The following RBM15 variants were observed in gnomAD, a reference collection of about 807,000 sequenced individuals.
RBM15 encodes RNA-binding protein 15.
RBM15 carries 8 observed loss-of-function variants against 62.6 expected under a neutral mutation model. The ratio of observed to expected loss-of-function variants is 0.13; its 90% CI spans 0.07 to 0.23. RBM15 has a LOEUF of 0.23. Ranked by LOEUF, RBM15 falls within the 10% of genes least tolerant of loss-of-function variation. RBM15 has a pLI of 1.00. For synonymous variants in RBM15, 606 were observed against 505.7 expected (o/e 1.20, Z -2.66); for missense variants, 1,144 against 1,286.5 (o/e 0.89, Z 1.69).
chr1:110,342,285 A>G lies in RBM15; in HGVS notation c.2863+17A>G, dbSNP rs368503888. 4.6e-6 allele frequency: 7 copies of G among 1,534,316 alleles called. No homozygotes were observed. Among genetic ancestry groups the G allele is most frequent in the Middle Eastern group, 1.8e-4 (1 of 5,662 alleles). Reference sequence around the variant, plus strand: ...TTGTCCGTGGTGCGTCCTAAAGTCCATGTGTAACTTGTATTTACTACTTTG... The same window carrying G: ...TTGTCCGTGGTGCGTCCTAAAGTCCGTGTGTAACTTGTATTTACTACTTTG... On this transcript the variant is annotated intron_variant, in intron 1 of 2. Coordinates refer to ENST00000369784, the MANE Select transcript of RBM15 (RefSeq NM_022768.5).
chr1:110,346,165 TG>T (rs2100943460), intron 2 of RBM15, 142 bp from the exon 3 acceptor site: 2 of 730,474 alleles, frequency 2.7e-6, no homozygotes, highest in East Asian at 5.3e-5. Context: ...TGGGTATTAT[TG>T]GTGCTTTTTG....
In RBM15 at chr1:110,345,615, A is replaced by G. The variant is rs919010988; in HGVS notation, c.*6A>G. ...TGGCGCTGACCCTGTTATAGTGGTTATAGTGGTGTCCCTAAAGGGAGGAAA... is the reference window on the plus strand; with the variant it reads ...TGGCGCTGACCCTGTTATAGTGGTTGTAGTGGTGTCCCTAAAGGGAGGAAA... On this transcript the variant is annotated 3_prime_UTR_variant, in exon 2 of 3. Transcript: ENST00000369784. 1.2e-6 allele frequency: 2 copies of G among 1,603,402 alleles called. No individual in the cohort carries two copies. Among genetic ancestry groups the G allele is most frequent in the Non-Finnish European group, 1.7e-6 (2 of 1,176,426 alleles).
Position 110,341,203 on chromosome 1 carries a change from A to C in RBM15, c.1798A>C (p.Thr600Pro), listed in dbSNP as rs753557639. The change falls in exon 1 of 3, where the codon ACT (threonine) becomes CCT (proline). Residue 600 changes from threonine to proline, a missense_variant. Physicochemically the swap from Thr to Pro is conservative, Grantham distance 38 (BLOSUM62 -1). Coordinates refer to ENST00000369784, the MANE Select transcript of RBM15 (RefSeq NM_022768.5). The surrounding 1 kb of genome is among the most constrained non-coding windows in gnomAD (Gnocchi z 4.5). ...CCCAGTCCGAGAACGCAGCACTCGGACTGCAGCTACTTCTGTGCCTGCTTA... is the reference window on the plus strand; with the variant it reads ...CCCAGTCCGAGAACGCAGCACTCGGCCTGCAGCTACTTCTGTGCCTGCTTA... ...PPPVRERSTR[T>P]AATSVPAYEP... is the part of the protein sequence containing the mutation. 3 of 1,613,880 alleles carry C rather than the reference A, an allele frequency of 1.9e-6. No homozygotes were observed. The East Asian group carries it at 6.7e-5, about 36-fold the overall frequency.
At chr1:110,343,344 G>A (rs942380243) in intron 1 of RBM15, among the ~76,000 whole-genome samples, 1 of 152,096 alleles carries the variant, frequency 6.6e-6, no homozygotes, top group African/African-American at 2.4e-5. Flanking sequence ...TATTTAAACA[G>A]TAGTGACATT....
Position 110,339,461 on chromosome 1 carries a change from CG to C in RBM15, c.58del (p.Val20PhefsTer26). 1 of 1,548,428 alleles carries C rather than the reference CG, an allele frequency of 6.5e-7. No homozygotes were observed. The highest frequency in any genetic ancestry group is 8.7e-7 in the Non-Finnish European group (1 of 1,144,794). On this transcript the variant is annotated frameshift_variant, in exon 1 of 3. Coordinates refer to ENST00000369784, the MANE Select transcript of RBM15 (RefSeq NM_022768.5). LOFTEE classifies it high-confidence loss of function. ...CGGCGGAGTCCAAGATGGCGGCGTG[CG>C]GTTCCGCTGTGTGAAACGAGCGCGG... is the stretch of plus-strand genomic sequence containing the variant. ...VPRRSPRWRR[A>X]VPLCETSAGR...
Position 110,342,543 on chromosome 1 carries a change from T to C in RBM15, c.2863+275T>C, listed in dbSNP as rs867264540. 16 of 384,856 alleles carry C rather than the reference T, an allele frequency of 4.2e-5. No individual in the cohort carries two copies. The South Asian group carries it at 5.6e-4, about 13-fold the overall frequency. The allele number at this position is 384,856 out of a possible 1,614,324, so 23.8% of individuals were successfully genotyped here. A position where few individuals can be genotyped will look rare whatever the true frequency, so the allele number is the denominator to read the frequency against. ...CTTTAATTAGGAGTTCCCACCCTTATGAGTAATTTTTTTTCTCTATTCAGT... is the reference window on the plus strand; with the variant it reads ...CTTTAATTAGGAGTTCCCACCCTTACGAGTAATTTTTTTTCTCTATTCAGT... On this transcript the variant is annotated intron_variant, in intron 1 of 2. Coordinates refer to ENST00000369784, the MANE Select transcript of RBM15 (RefSeq NM_022768.5).
At position 110,341,779 on chromosome 1, in the gene RBM15, C is replaced by T; in HGVS notation, c.2374C>T (p.Leu792Phe). 1 of 1,614,190 alleles carries T rather than the reference C, an allele frequency of 6.2e-7. No homozygotes were observed. Among genetic ancestry groups the T allele is most frequent in the Non-Finnish European group, 8.5e-7 (1 of 1,180,036 alleles). Residue 792 changes from leucine (L) to phenylalanine (F), a missense_variant, in exon 1 of 3, where the codon CTT becomes TTT. By Grantham distance (22) the Leu-to-Phe change is conservative. This residue lies in a region of RBM15 where 360 missense variants were observed against 342.9 expected (regional missense o/e 1.05). Transcript: ENST00000369784. The surrounding 1 kb of genome is among the most constrained non-coding windows in gnomAD (Gnocchi z 4.5). ...PKLCLAWQGM[L>F]LLKNSNFPSN... ...ACTCTGTTTGGCCTGGCAGGGCATG[C>T]TTCTACTGAAGAACAGCAACTTTCC...
At chr1:110,345,432 G>T in intron 1 of RBM15, 107 bp from the exon 2 acceptor site, 1 of 789,590 alleles carries the variant, frequency 1.3e-6, no homozygotes, top group Non-Finnish European at 2.2e-6. Flanking sequence ...AAAAACTCTG[G>T]TAACAGAATT....
At chr1:110,345,694 A>C (rs916873624) in intron 2 of RBM15, 45 bp downstream of exon 2, 1 of 1,208,248 alleles carries the variant, frequency 8.3e-7, no homozygotes, top group Admixed American at 2.4e-5. Flanking sequence ...TTTTATATGT[A>C]TGGTTTAAAC....
Position 110,341,669 on chromosome 1 carries a change from G to T in RBM15, c.2264G>T (p.Ser755Ile). ...KEDRSDGSAP[S>I]TSTASSKLKS... ...GACCGCTCTGATGGGAGTGCACCTA[G>T]CACCAGCACTGCTTCCTCCAAGCTG... Residue 755 changes from serine to isoleucine, a missense_variant, in exon 1 of 3, where the codon AGC becomes ATC. Coordinates refer to ENST00000369784, the MANE Select transcript of RBM15 (RefSeq NM_022768.5). This position sits in a 1 kb window ranked among gnomAD's most constrained non-coding sequence, Gnocchi z 4.5. 1 of 1,614,130 alleles carries T rather than the reference G, an allele frequency of 6.2e-7. No homozygotes were observed. The highest frequency in any genetic ancestry group is 1.1e-5 in the South Asian group (1 of 91,086).
At position 110,340,713 on chromosome 1, in the gene RBM15, C is replaced by G; in HGVS notation, c.1308C>G (p.Gly436=). Reference sequence around the variant, plus strand: ...ACCGGGCCAAATTAGCAATGTCTGGCAAAATTATAATTCGGAATCCTATCA... The same window carrying G: ...ACCGGGCCAAATTAGCAATGTCTGGGAAAATTATAATTCGGAATCCTATCA... ...MSHRAKLAMS[G]KIIIRNPIKI... The change falls in exon 1 of 3, where the codon GGC becomes GGG. Residue 436 remains glycine, a synonymous_variant. Transcript: ENST00000369784. This position sits in a 1 kb window ranked among gnomAD's most constrained non-coding sequence, Gnocchi z 5.8. 1 of 1,614,112 alleles carries G rather than the reference C, an allele frequency of 6.2e-7. No individual in the cohort carries two copies. The highest frequency in any genetic ancestry group is 8.5e-7 in the Non-Finnish European group (1 of 1,180,016).
chr1:110,340,118 T>C lies in RBM15; in HGVS notation c.713T>C (p.Leu238Pro). The change falls in exon 1 of 3, where the codon CTG becomes CCG. Residue 238 changes from leucine to proline, a missense_variant. Coordinates refer to ENST00000369784, the MANE Select transcript of RBM15 (RefSeq NM_022768.5). The surrounding 1 kb of genome is among the most constrained non-coding windows in gnomAD (Gnocchi z 5.8). ...ARAAKHARGR[L>P]VLYDRPLKIE... ...GCGGCCAAGCATGCCAGAGGCCGCC[T>C]GGTGCTCTATGACCGGCCTCTGAAG... 6.2e-7 allele frequency: 1 copy of C among 1,613,812 alleles called. No individual in the cohort carries two copies. The highest frequency in any genetic ancestry group is 8.5e-7 in the Non-Finnish European group (1 of 1,179,946).
chr1:110,346,468 G>A lies in RBM15; in HGVS notation c.*201G>A. The stretch of plus-strand genomic sequence containing the variant: ...TTTACTAAAATGGCAGCTTAAAGTT[G>A]TGTATCTGCTATTGTGATGCCAATG... On this transcript the variant is annotated 3_prime_UTR_variant, in exon 3 of 3. Transcript: ENST00000369784. The A allele has an allele frequency of 6.1e-6, 6 of 977,112 alleles. No homozygotes were observed. The highest frequency in any genetic ancestry group is 1.9e-5 in the Admixed American group (1 of 52,328). The allele number at this position is 977,112 out of a possible 1,614,324, so 60.5% of individuals were successfully genotyped here.
At chr1:110,342,699 T>C (rs1330060965) in intron 1 of RBM15, 1 of 166,674 alleles carries the variant, frequency 6.0e-6, no homozygotes, top group African/African-American at 2.4e-5. Context: ...AATGACTCGA[T>C]TGGTGTGTAG....
At position 110,340,507 on chromosome 1, in the gene RBM15, G is replaced by A. The variant is rs145812576; in HGVS notation, c.1102G>A (p.Asp368Asn). The change falls in exon 1 of 3, where the codon GAT (aspartate) becomes AAT (asparagine). Residue 368 changes from aspartate to asparagine, a missense_variant. This residue lies in a region of RBM15 where 33 missense variants were observed against 39.6 expected (regional missense o/e 0.83). Transcript: ENST00000369784. This position sits in a 1 kb window ranked among gnomAD's most constrained non-coding sequence, Gnocchi z 5.8. ...FREVDEISPE[D>N]DQRANRTLFL... The stretch of plus-strand genomic sequence containing the variant: ...AGAAGTGGATGAGATTTCACCCGAG[G>A]ATGATCAGCGAGCTAACCGGACGCT... 9 of 1,614,018 alleles carry A rather than the reference G, an allele frequency of 5.6e-6. No homozygotes were observed. Among genetic ancestry groups the A allele is most frequent in the Non-Finnish European group, 6.8e-6 (8 of 1,179,996 alleles).
chr1:110,339,493 C>T lies in RBM15; in HGVS notation c.88C>T (p.Arg30Trp), dbSNP rs1369336317. The change falls in exon 1 of 3, where the codon CGG becomes TGG. Residue 30 changes from arginine to tryptophan, a missense_variant. Around this residue, in one of 8 missense-constraint regions of RBM15, gnomAD observed 298 missense variants for 250.0 expected, o/e 1.19. Transcript: ENST00000369784. ...GCTGTGTGAAACGAGCGCGGGGCGG[C>T]GGGTTACTCAGCTCCGCGGAGACGA... ...VPLCETSAGRRVTQLRGDDLR... is the reference protein window; with the variant it reads ...VPLCETSAGRWVTQLRGDDLR... The T allele has an allele frequency of 6.3e-7, 1 of 1,580,466 alleles. No individual in the cohort carries two copies. Among genetic ancestry groups the T allele is most frequent in the Non-Finnish European group, 8.6e-7 (1 of 1,159,818 alleles).
intron 1 of RBM15, 109 bp from the exon 2 acceptor site, chr1:110,345,430 T>C: frequency 1.3e-6 from 1 of 782,592 alleles, no homozygotes; most frequent in East Asian, 2.5e-5. Flanking sequence ...CCAAAAACTC[T>C]GGTAACAGAA....
Position 110,340,264 on chromosome 1 carries a change from G to A in RBM15, c.859G>A (p.Gly287Ser), listed in dbSNP as rs1570610851. 6.2e-7 allele frequency: 1 copy of A among 1,614,256 alleles called. No individual in the cohort carries two copies. Among genetic ancestry groups the A allele is most frequent in the Middle Eastern group, 1.6e-4 (1 of 6,062 alleles). Residue 287 changes from glycine to serine, a missense_variant, in exon 1 of 3, where the codon GGT becomes AGT. Coordinates refer to ENST00000369784, the MANE Select transcript of RBM15 (RefSeq NM_022768.5). This position sits in a 1 kb window ranked among gnomAD's most constrained non-coding sequence, Gnocchi z 5.8. Reference sequence around the variant, plus strand: ...TGGTCACCGGCACCCCCCTGGAGGTGGTGGAGGCCAGAGATCACTTTCCCC... The same window carrying A: ...TGGTCACCGGCACCCCCCTGGAGGTAGTGGAGGCCAGAGATCACTTTCCCC... The part of the protein sequence containing the change: ...VGGHRHPPGG[G>S]GGQRSLSPGG...
At position 110,340,081 on chromosome 1, in the gene RBM15, G is replaced by A. The variant is rs1241357186; in HGVS notation, c.676G>A (p.Glu226Lys). Reference protein sequence around the residue: ...RVAFVNFRRPEDARAAKHARG... With the variant: ...RVAFVNFRRPKDARAAKHARG... ...AGCCTTTGTGAACTTCCGGCGGCCA[G>A]AGGACGCGCGGGCGGCCAAGCATGC... The change falls in exon 1 of 3, where the codon GAG becomes AAG. Residue 226 changes from glutamate to lysine, a missense_variant. By Grantham distance (56) the Glu-to-Lys change is moderately conservative. Around this residue, in one of 8 missense-constraint regions of RBM15, gnomAD observed 188 missense variants for 185.6 expected, o/e 1.01. Transcript: ENST00000369784. The surrounding 1 kb of genome is among the most constrained non-coding windows in gnomAD (Gnocchi z 5.8). The A allele has an allele frequency of 1.9e-6, 3 of 1,613,852 alleles. No individual in the cohort carries two copies. Among genetic ancestry groups the A allele is most frequent in the Non-Finnish European group, 2.5e-6 (3 of 1,180,024 alleles).
Sources: gnomAD v4.1 joint callset for allele counts (sites outside exome capture counted in the v4.1 genomes callset) on GRCh38, gnomAD v4.1.1 for gene constraint, gnomAD v4.1.1 regional missense constraint, Gnocchi (gnomAD v3.1) non-coding constraint, MANE v1.5 for transcripts, NCBI Gene and HGNC (gene_info 2026-07-23, HGNC 2026-07-21) for gene names.